CCDC80: variants seen among roughly 807,000 people sequenced by gnomAD.
The protein encoded by CCDC80 is coiled-coil domain-containing protein 80.
Under a neutral mutation model 78.7 loss-of-function variants are expected in CCDC80, and 49 were observed. That is an observed-to-expected ratio of 0.62 (90% CI 0.50 to 0.79). The LOEUF (loss-of-function observed/expected upper bound fraction) is 0.79, where lower values mean the gene tolerates loss of function less well. CCDC80 is among the 30% of genes least tolerant of loss of function. The probability of loss-of-function intolerance (pLI) is 0.00; values close to 1 mark genes in which losing one functional copy is unlikely to be tolerated. For synonymous variants in CCDC80, 488 were observed against 447.0 expected (o/e 1.09, Z -1.16); for missense variants, 1,205 against 1,198.6 (o/e 1.01, Z -0.08).
rs1404242713 is a variant in CCDC80 at position 112,599,316 on chromosome 3, T to C, written c.*6101A>G. On this transcript the variant is annotated 3_prime_UTR_variant, in exon 8 of 8. Transcript: ENST00000206423. ...CACCAAATCTTAACTCTTTGGACTT[T>C]AATAATGTGCAAAATTAAGAGGAAG... 2 of 152,168 alleles carry C rather than the reference T, an allele frequency of 1.3e-5. No homozygotes were observed. Among genetic ancestry groups the C allele is most frequent in the African/African-American group, 2.4e-5 (1 of 41,412 alleles). 9.4% of individuals were successfully genotyped at this position (152,168 alleles called of 1,614,324 possible). A position where few individuals can be genotyped will look rare whatever the true frequency, so the allele number is the denominator to read the frequency against.
chr3:112,615,365 G>A (rs960536132), intron 5 of CCDC80, among the ~76,000 whole-genome samples: 3 of 152,052 alleles, frequency 2.0e-5, no homozygotes, highest in South Asian at 2.1e-4. Flanking sequence ...TGCTTGCTTG[G>A]TTTCTGGAAC....
At chr3:112,610,370 T>G in intron 5 of CCDC80, 1 of 420,186 alleles carries the variant, frequency 2.4e-6, no homozygotes, top group Non-Finnish European at 4.5e-6. Context: ...AGAGACAAAC[T>G]CTCAGATGCA....
intron 5 of CCDC80, 109 bp downstream of exon 5, chr3:112,616,601 G>A (rs1710530693): frequency 3.1e-6 from 4 of 1,276,972 alleles, no homozygotes; most frequent in South Asian, 2.7e-5. Context: ...TCTCCAAGGA[G>A]GATTACTCTC....
chr3:112,617,755 A>G (rs1450801521), intron 4 of CCDC80, among the ~76,000 whole-genome samples: 2 of 152,228 alleles, frequency 1.3e-5, no homozygotes, highest in African/African-American at 2.4e-5. Context: ...TGACTTTTTC[A>G]TGAACATTTT....
At position 112,638,562 on chromosome 3, in the gene CCDC80, G is replaced by C; in HGVS notation, c.1344C>G (p.Thr448=). 1 of 1,614,104 alleles carries C rather than the reference G, an allele frequency of 6.2e-7. No individual in the cohort carries two copies. The highest frequency in any genetic ancestry group is 2.2e-5 in the East Asian group (1 of 44,866). ...CCCTTGTGCTGGGTTCTGAGATGGT[G>C]GTGGGAGGGGCATTTGTGAAGCTCT... ...SLESFTNAPP[T]TISEPSTRAA... The change falls in exon 2 of 8, where the codon ACC becomes ACG. Residue 448 remains threonine (T), a synonymous_variant. Coordinates refer to ENST00000206423, the MANE Select transcript of CCDC80 (RefSeq NM_199511.3).
At chr3:112,635,691 T>G (rs1043577548) in intron 2 of CCDC80, among the ~76,000 whole-genome samples, 18 of 152,238 alleles carry the variant, frequency 1.2e-4, no homozygotes, top group African/African-American at 4.3e-4. Context: ...TGAAAAGCCT[T>G]CTGTTAGTAT....
chr3:112,620,957 A>C (rs1935851885), intron 3 of CCDC80, among the ~76,000 whole-genome samples: 1 of 152,224 alleles, frequency 6.6e-6, no homozygotes, highest in Non-Finnish European at 1.5e-5. Context: ...GACAGAGTTC[A>C]AGCTCCTACT....
In CCDC80 at chr3:112,605,716, C is replaced by G. The variant is rs570138154; in HGVS notation, c.2554G>C (p.Asp852His). The G allele has an allele frequency of 6.2e-7, 1 of 1,614,210 alleles. No homozygotes were observed. The highest frequency in any genetic ancestry group is 1.3e-5 in the African/African-American group (1 of 75,062). ...REDVPAHLVK[D>H]IRNYFQVSPE... The stretch of plus-strand genomic sequence containing the variant: ...CTCACTTGAAAATAGTTACGAATGT[C>G]TTTCACCAAATGGGCTGGTACGTCT... The change falls in exon 8 of 8, where the codon GAC becomes CAC. Residue 852 changes from aspartate (D) to histidine (H), a missense_variant. Coordinates refer to ENST00000206423, the MANE Select transcript of CCDC80 (RefSeq NM_199511.3).
rs763490845 is a variant in CCDC80 at position 112,638,532 on chromosome 3, A to C, written c.1374T>G (p.Ala458=). The C allele has an allele frequency of 3.1e-6, 5 of 1,613,932 alleles. No homozygotes were observed. The highest frequency in any genetic ancestry group is 4.2e-6 in the Non-Finnish European group (5 of 1,180,008). ...GGTTGTCCCGGAAACGGCCTGGGCCAGCAGCCCTTGTGCTGGGTTCTGAGA... is the reference window on the plus strand; with the variant it reads ...GGTTGTCCCGGAAACGGCCTGGGCCCGCAGCCCTTGTGCTGGGTTCTGAGA... ...TTISEPSTRA[A]GPGRFRDNRM... Residue 458 remains alanine (A), a synonymous_variant, in exon 2 of 8, where the codon GCT becomes GCG. Transcript: ENST00000206423.
intron 5 of CCDC80, 82 bp downstream of exon 5, chr3:112,616,628 A>T: frequency 6.7e-7 from 1 of 1,488,994 alleles, no homozygotes; most frequent in Non-Finnish European, 9.3e-7. Context: ...CACCTGTGGG[A>T]TCTGTGTTTC....
rs1032241603 is a variant in CCDC80 at position 112,638,840 on chromosome 3, C to CAGG, written c.1063_1065dup (p.Pro355dup). 2 of 1,613,308 alleles carry CAGG rather than the reference C, an allele frequency of 1.2e-6. No individual in the cohort carries two copies. The highest frequency in any genetic ancestry group is 1.7e-6 in the Non-Finnish European group (2 of 1,179,936). On this transcript the variant is annotated inframe_insertion, in exon 2 of 8. Coordinates refer to ENST00000206423, the MANE Select transcript of CCDC80 (RefSeq NM_199511.3). ...GACCGAGTCACTGTTGTGGCTGGGG[C>CAGG]AGGAGGAAGGGTGGTGGCTCTGGGG...
chr3:112,601,683 A>C lies in CCDC80; in HGVS notation c.*3734T>G, dbSNP rs1168700673. The C allele has an allele frequency of 3.5e-5, 2 of 56,772 alleles. No individual in the cohort carries two copies. The highest frequency in any genetic ancestry group is 1.3e-4 in the African/African-American group (2 of 14,854). The allele number at this position is 56,772 out of a possible 1,614,324, so 3.5% of individuals were successfully genotyped here. On this transcript the variant is annotated 3_prime_UTR_variant, in exon 8 of 8. Coordinates refer to ENST00000206423, the MANE Select transcript of CCDC80 (RefSeq NM_199511.3). ...GACAGAGTGAGACCCTCTCCAAAAA[A>C]AGAAAAAAAAAAAGAGAAAAAAAAG... is the stretch of plus-strand genomic sequence containing the variant.
intron 6 of CCDC80, among the ~76,000 whole-genome samples, chr3:112,607,819 A>G (rs1461586931): frequency 1.3e-5 from 2 of 152,232 alleles, no homozygotes; most frequent in African/African-American, 4.8e-5. Flanking sequence ...TTGGAACATT[A>G]AAATATCTGA....
intron 5 of CCDC80, among the ~76,000 whole-genome samples, chr3:112,614,875 A>C (rs1280463163): frequency 6.6e-6 from 1 of 152,224 alleles, no homozygotes; most frequent in Non-Finnish European, 1.5e-5. Flanking sequence ...AAAGTTACTT[A>C]ATCTCCATTG....
At chr3:112,614,975 C>T (rs975043008) in intron 5 of CCDC80, among the ~76,000 whole-genome samples, 1 of 152,140 alleles carries the variant, frequency 6.6e-6, no homozygotes, top group Non-Finnish European at 1.5e-5. Context: ...ATGAAGGTGA[C>T]GTGCTTGGCA....
Position 112,604,143 on chromosome 3 carries a change from G to A in CCDC80, c.*1274C>T, listed in dbSNP as rs867408267. ...CGCGTAAGTTGCTATGTACATTATT[G>A]AAATGACAACAAAGGATTTACAACA... On this transcript the variant is annotated 3_prime_UTR_variant, in exon 8 of 8. Transcript: ENST00000206423. The A allele has an allele frequency of 6.6e-6, 1 of 152,214 alleles. No homozygotes were observed. Among genetic ancestry groups the A allele is most frequent in the Non-Finnish European group, 1.5e-5 (1 of 68,040 alleles). 9.4% of individuals were successfully genotyped at this position (152,214 alleles called of 1,614,324 possible).
At chr3:112,615,941 CTCTG>C (rs887322923) in intron 5 of CCDC80, among the ~76,000 whole-genome samples, 8 of 152,352 alleles carry the variant, frequency 5.3e-5, no homozygotes, top group African/African-American at 1.9e-4. Context: ...CTCGGGGCTG[CTCTG>C]TCTATGGAGT....
chr3:112,637,813 G>T (rs373652902), intron 2 of CCDC80, among the ~76,000 whole-genome samples: 3 of 152,276 alleles, frequency 2.0e-5, no homozygotes, highest in East Asian at 1.9e-4. Flanking sequence ...GTACCACAGG[G>T]CCATGAGTTG....
rs1936251917 is a variant in CCDC80, at chr3:112,638,220, T to C, written c.1686A>G (p.Leu562=). The C allele has an allele frequency of 6.2e-7, 1 of 1,612,788 alleles. No individual in the cohort carries two copies. The highest frequency in any genetic ancestry group is 1.3e-5 in the African/African-American group (1 of 74,990). ...KKMKNENADK[L]LKSEKQMKKS... ...TCTTCATTTGCTTTTCACTCTTAAG[T>C]AACTTGTCTGCGTTCTCATTCTTCA... The change falls in exon 2 of 8, where the codon TTA becomes TTG. Residue 562 remains leucine, a synonymous_variant. Transcript: ENST00000206423.
Sources: allele counts gnomAD v4.1 joint callset (sites outside exome capture counted in the v4.1 genomes callset), GRCh38; gene constraint gnomAD v4.1.1; transcripts MANE v1.5; gene names NCBI Gene and HGNC (gene_info 2026-07-23, HGNC 2026-07-21).